The following NUP50 variants were observed in gnomAD, a reference collection of about 807,000 sequenced individuals.
NUP50 encodes the protein nucleoporin 50, also known as nuclear pore complex protein Nup50.
In NUP50, 14 loss-of-function variants were observed where a neutral mutation model predicts 36.8. That is an observed-to-expected ratio of 0.38 (90% CI 0.25 to 0.59). The LOEUF is 0.59. Among genes scored for constraint, NUP50 ranks in the 20% least tolerant of loss-of-function variants. NUP50 has a pLI of 0.63. For missense variants in NUP50, 455 were observed against 564.6 expected (o/e 0.81, Z 1.97); for synonymous variants, 195 against 210.8 (o/e 0.93, Z 0.65).
intron 6 of NUP50, among the ~76,000 whole-genome samples, chr22:45,182,049 C>CTTT (rs1363425461): frequency 6.6e-6 from 1 of 152,074 alleles, no homozygotes; most frequent in Non-Finnish European, 1.5e-5. Context: ...GTTTCAAGAA[C>CTTT]TTTTAAAAGA....
Position 45,187,273 on chromosome 22 carries a change from A to C in NUP50, c.*2618A>C, listed in dbSNP as rs534169764. 1 of 152,294 alleles carries C rather than the reference A, an allele frequency of 6.6e-6. No homozygotes were observed. The highest frequency in any genetic ancestry group is 2.1e-4 in the South Asian group (1 of 4,812). 9.4% of individuals were successfully genotyped at this position (152,294 alleles called of 1,614,324 possible). ...TCTTCATTATTCGAATTACAGACTGAAAAAATATGGCCAGTTTTTAAAGAA... is the reference window on the plus strand; with the variant it reads ...TCTTCATTATTCGAATTACAGACTGCAAAAATATGGCCAGTTTTTAAAGAA... On this transcript the variant is annotated 3_prime_UTR_variant, in exon 8 of 8. Coordinates refer to ENST00000347635, the MANE Select transcript of NUP50 (RefSeq NM_007172.4).
chr22:45,183,821 C>G (rs564246294), intron 7 of NUP50: 19 of 300,514 alleles, frequency 6.3e-5, no homozygotes, highest in Non-Finnish European at 1.2e-4. Flanking sequence ...TAAAGGAATC[C>G]TTTTTATATA....
intron 5 of NUP50, among the ~76,000 whole-genome samples, chr22:45,180,853 A>T (rs553275648): frequency 4.6e-5 from 7 of 152,078 alleles, no homozygotes; most frequent in African/African-American, 1.7e-4. Context: ...AAAAAAAAAA[A>T]AAGTATTTTT....
At chr22:45,182,270 G>A (rs1222110586) in intron 6 of NUP50, among the ~76,000 whole-genome samples, 4 of 151,982 alleles carry the variant, frequency 2.6e-5, no homozygotes, top group East Asian at 3.9e-4. Flanking sequence ...GTGAAATCCC[G>A]TCTCTACTAA....
chr22:45,168,370 A>G (rs1000229452), intron 2 of NUP50, 124 bp downstream of exon 2: 3 of 663,684 alleles, frequency 4.5e-6, no homozygotes, highest in Non-Finnish European at 7.9e-6. Flanking sequence ...TGAATGGGAG[A>G]TGACAAGAAA....
At chr22:45,167,867 AATC>A (rs1354584325) in intron 1 of NUP50, among the ~76,000 whole-genome samples, 1 of 152,204 alleles carries the variant, frequency 6.6e-6, no homozygotes, top group East Asian at 1.9e-4. Flanking sequence ...ATTTTTAAAA[AATC>A]AATTGATATT....
chr22:45,178,023 G>A (rs2074303876), intron 4 of NUP50: 4 of 529,470 alleles, frequency 7.6e-6, no homozygotes, highest in African/African-American at 3.8e-5. Context: ...CTACTCGGGA[G>A]GTTGAGGCAG....
intron 6 of NUP50, among the ~76,000 whole-genome samples, chr22:45,182,623 G>GCTTT (rs766996077): frequency 1.0e-5 from 1 of 95,940 alleles, no homozygotes; most frequent in African/African-American, 4.2e-5. Flanking sequence ...CTTGAGGTTT[G>GCTTT]TTTTTTTTTT....
chr22:45,174,288 C>T (rs755083962), intron 3 of NUP50, among the ~76,000 whole-genome samples: 5 of 151,832 alleles, frequency 3.3e-5, no homozygotes, highest in Non-Finnish European at 7.4e-5. Flanking sequence ...AGCAATCCTC[C>T]TGCCTCAGCC....
At chr22:45,170,251 A>G (rs1001007627) in intron 2 of NUP50, among the ~76,000 whole-genome samples, 12 of 152,014 alleles carry the variant, frequency 7.9e-5, no homozygotes, top group Non-Finnish European at 1.5e-4. Context: ...TCTTGGTGGT[A>G]GTAGTCCCCC....
At position 45,185,448 on chromosome 22, in the gene NUP50, G is replaced by A. The variant is rs1362438915; in HGVS notation, c.*793G>A. ...TAGCTTATCATCTACACCATGGAGAGTGAACCCTTACGAAATGAAAGTCAA... is the reference window on the plus strand; with the variant it reads ...TAGCTTATCATCTACACCATGGAGAATGAACCCTTACGAAATGAAAGTCAA... On this transcript the variant is annotated 3_prime_UTR_variant, in exon 8 of 8. Coordinates refer to ENST00000347635, the MANE Select transcript of NUP50 (RefSeq NM_007172.4). 1 of 152,334 alleles carries A rather than the reference G, an allele frequency of 6.6e-6. No homozygotes were observed. The highest frequency in any genetic ancestry group is 1.5e-5 in the Non-Finnish European group (1 of 68,048). 9.4% of individuals were successfully genotyped at this position (152,334 alleles called of 1,614,324 possible).
Position 45,178,265 on chromosome 22 carries a change from C to G in NUP50, c.368C>G (p.Thr123Ser). 1 of 1,613,876 alleles carries G rather than the reference C, an allele frequency of 6.2e-7. No homozygotes were observed. Among genetic ancestry groups the G allele is most frequent in the Non-Finnish European group, 8.5e-7 (1 of 1,179,806 alleles). The change falls in exon 5 of 8, where the codon ACC becomes AGC. Residue 123 changes from threonine to serine, a missense_variant. Physicochemically the swap from Thr to Ser is moderately conservative, Grantham distance 58. Coordinates refer to ENST00000347635, the MANE Select transcript of NUP50 (RefSeq NM_007172.4). The part of the protein sequence containing the change: ...FGSLAANGPT[T>S]LVDKVSNPKT... ...TCTCTTGCTGCAAATGGCCCTACCA[C>G]CTTGGTTGATAAAGTTTCAAATCCC...
intron 5 of NUP50, 63 bp from the exon 6 acceptor site, chr22:45,181,223 C>A: frequency 9.2e-7 from 1 of 1,082,492 alleles, no homozygotes; most frequent in Non-Finnish European, 1.3e-6. Context: ...CGTAACAAAA[C>A]TTCAGTCACT....
rs1601796293 is a variant in NUP50, at chr22:45,185,908, T to G, written c.*1253T>G. The G allele has an allele frequency of 6.6e-6, 1 of 152,250 alleles. No homozygotes were observed. Among genetic ancestry groups the G allele is most frequent in the Non-Finnish European group, 1.5e-5 (1 of 68,052 alleles). 9.4% of individuals were successfully genotyped at this position (152,250 alleles called of 1,614,324 possible). On this transcript the variant is annotated 3_prime_UTR_variant, in exon 8 of 8. Transcript: ENST00000347635. ...TTGAGACTAGTACCAGCTGATCTTG[T>G]GTACAGGCTCAGGGTCAGTGCCCAA...
intron 1 of NUP50, among the ~76,000 whole-genome samples, chr22:45,167,095 G>C (rs2074105966): frequency 1.3e-5 from 2 of 152,094 alleles, no homozygotes; most frequent in Non-Finnish European, 2.9e-5. Flanking sequence ...AATACACTCT[G>C]TATTACACAA....
intron 6 of NUP50, 82 bp from the exon 7 acceptor site, chr22:45,183,320 A>G: frequency 2.5e-6 from 2 of 785,746 alleles, no homozygotes; most frequent in East Asian, 2.4e-5. Flanking sequence ...TTTCCACACA[A>G]GTGTGAAGAG....
intron 5 of NUP50, among the ~76,000 whole-genome samples, chr22:45,180,478 A>G (rs930132214): frequency 2.6e-5 from 4 of 152,024 alleles, no homozygotes; most frequent in Non-Finnish European, 5.9e-5. Context: ...GGGTGAAGCA[A>G]TCCTCCCACT....
intron 3 of NUP50, among the ~76,000 whole-genome samples, chr22:45,172,675 A>C (rs1191179642): frequency 6.6e-6 from 1 of 152,202 alleles, no homozygotes; most frequent in Non-Finnish European, 1.5e-5. Flanking sequence ...TTGTTATTAC[A>C]AAAATATTCA....
chr22:45,171,612 T>A lies in NUP50; in HGVS notation c.82T>A (p.Ser28Thr). The A allele has an allele frequency of 1.2e-6, 2 of 1,614,054 alleles. No homozygotes were observed. The highest frequency in any genetic ancestry group is 1.7e-6 in the Non-Finnish European group (2 of 1,179,924). ...TATTGTATTGCAGGTGGGAACATTCTCCATGGCCAGTGAGGAAGTCTTGAA... is the reference window on the plus strand; with the variant it reads ...TATTGTATTGCAGGTGGGAACATTCACCATGGCCAGTGAGGAAGTCTTGAA... ...EDEAEEVGTF[S>T]MASEEVLKNR... The change falls in exon 3 of 8, where the codon TCC becomes ACC. Residue 28 changes from serine to threonine, a missense_variant. Ser to Thr is a moderately conservative substitution (Grantham distance 58). Transcript: ENST00000347635.
Sources: allele counts gnomAD v4.1 joint callset (sites outside exome capture counted in the v4.1 genomes callset), GRCh38; gene constraint gnomAD v4.1.1; transcripts MANE v1.5; gene names NCBI Gene and HGNC (gene_info 2026-07-23, HGNC 2026-07-21).